Variants in ECT2 observed in about 807,000 individuals in gnomAD.
ECT2 encodes the protein protein ECT2.
ECT2 carries 61 observed loss-of-function variants against 116.9 expected under a neutral mutation model. The observed-to-expected ratio is 0.52, with a 90% CI of 0.42 to 0.65. ECT2 has a LOEUF of 0.65. ECT2 is among the 30% of genes least tolerant of loss of function. ECT2 has a pLI of 0.00. For synonymous variants in ECT2, 358 were observed against 346.4 expected (o/e 1.03, Z -0.37); for missense variants, 937 against 1,078.7 (o/e 0.87, Z 1.84).
rs1411801588 is a variant in ECT2 at position 172,758,416 on chromosome 3, AATG to A, written c.487-559_487-557del. Among the ~76,000 whole-genome samples, 7 of 152,104 alleles carry A rather than the reference AATG, an allele frequency of 4.6e-5. No individual in the cohort carries two copies. The South Asian group carries it at 1.4e-3, about 31-fold the overall frequency. ...CAAATTTTGAAAAATAATCTTATAT[AATG>A]ATGAAAATCAAATTTATTCTTTTAT... is the stretch of plus-strand genomic sequence containing the variant. On this transcript the variant is annotated intron_variant, in intron 5 of 24. Transcript: ENST00000392692.
intron 11 of ECT2, among the ~76,000 whole-genome samples, chr3:172,763,961 C>G (rs898720403): frequency 7.9e-5 from 12 of 152,130 alleles, no homozygotes; most frequent in Non-Finnish European, 1.6e-4. Flanking sequence ...AGGGATACAG[C>G]GAACAGACTG....
At chr3:172,773,756 T>A (rs1721112446) in intron 13 of ECT2, 147 bp from the exon 14 acceptor site, 3 of 776,960 alleles carry the variant, frequency 3.9e-6, no homozygotes, top group Non-Finnish European at 4.1e-6. Flanking sequence ...ATAGAAAATA[T>A]GGGGAAAATG....
chr3:172,810,564 C>T (rs1307241414), intron 22 of ECT2, among the ~76,000 whole-genome samples: 3 of 152,060 alleles, frequency 2.0e-5, no homozygotes, highest in Non-Finnish European at 4.4e-5. Flanking sequence ...GTTATTGATA[C>T]CACTTTAATT....
intron 18 of ECT2, among the ~76,000 whole-genome samples, chr3:172,799,534 G>C (rs185554843): frequency 4.6e-5 from 7 of 152,132 alleles, no homozygotes; most frequent in African/African-American, 1.7e-4. Flanking sequence ...GACAAAACCT[G>C]ACCTAAGAAA....
At chr3:172,758,940 T>C (rs1175239306) in intron 5 of ECT2, 40 bp from the exon 6 acceptor site, 2 of 1,490,514 alleles carry the variant, frequency 1.3e-6, no homozygotes, top group Non-Finnish European at 1.9e-6. Context: ...TATTTTCTAC[T>C]AAAGAGAAAG....
At chr3:172,806,940 G>A (rs550558115) in intron 21 of ECT2, among the ~76,000 whole-genome samples, 2 of 152,122 alleles carry the variant, frequency 1.3e-5, no homozygotes, top group South Asian at 2.1e-4. Flanking sequence ...ACTGCACCCC[G>A]CCAAGAAATG....
At chr3:172,795,224 G>A (rs1388026917) in intron 18 of ECT2, among the ~76,000 whole-genome samples, 1 of 151,606 alleles carries the variant, frequency 6.6e-6, no homozygotes, top group Middle Eastern at 3.2e-3. Context: ...GCTACTCAGA[G>A]GCTGAGGCAG....
chr3:172,755,822 A>G (rs1716883321), intron 4 of ECT2, among the ~76,000 whole-genome samples: 1 of 152,224 alleles, frequency 6.6e-6, no homozygotes, highest in South Asian at 2.1e-4. Flanking sequence ...AATTTGCCTC[A>G]GCATACGAAA....
chr3:172,818,618 C>G (rs1577056609), intron 24 of ECT2: 1 of 1,289,002 alleles, frequency 7.8e-7, no homozygotes, highest in South Asian at 1.2e-5. Context: ...CGCCTAAACT[C>G]TACTGGTGGG....
chr3:172,764,134 T>G, intron 11 of ECT2, 144 bp from the exon 12 acceptor site: 1 of 708,422 alleles, frequency 1.4e-6, no homozygotes, highest in Admixed American at 2.9e-5. Context: ...TTATGAAACT[T>G]TTGAATTGCC....
At chr3:172,771,476 C>T (rs538016278) in intron 13 of ECT2, 6 of 151,932 alleles carry the variant, frequency 3.9e-5, no homozygotes, top group East Asian at 1.9e-4. Flanking sequence ...TCTTTGAGAC[C>T]GAGTAAACAA....
chr3:172,799,502 C>T (rs762524989), intron 18 of ECT2, among the ~76,000 whole-genome samples: 16 of 152,316 alleles, frequency 1.1e-4, no homozygotes, highest in Non-Finnish European at 2.4e-4. Flanking sequence ...ATTTCACAAT[C>T]AGTAACTGCT....
At chr3:172,821,649 T>C (rs148628509), downstream of ECT2, among the ~76,000 whole-genome samples, 11 of 152,074 alleles carry the variant, frequency 7.2e-5, no homozygotes, top group African/African-American at 2.4e-4. Flanking sequence ...ATTTTTAATC[T>C]GGAATCTACT....
chr3:172,818,127 C>T (rs1730088415), intron 24 of ECT2, among the ~76,000 whole-genome samples: 1 of 152,004 alleles, frequency 6.6e-6, no homozygotes, highest in Non-Finnish European at 1.5e-5. Context: ...AAATAATACT[C>T]ATTAAATATA....
chr3:172,786,526 A>G lies in ECT2; in HGVS notation c.1859A>G (p.Asp620Gly), dbSNP rs753783588. 6.2e-7 allele frequency: 1 copy of G among 1,611,446 alleles called. No homozygotes were observed. Among genetic ancestry groups the G allele is most frequent in the Non-Finnish European group, 8.5e-7 (1 of 1,178,308 alleles). The stretch of plus-strand genomic sequence containing the variant: ...AAGCATACAGCTGATGAAAATCCAG[A>G]CAAAAGCACTTTAGAAAAAGCTATT... ...LKKHTADENPDKSTLEKAIGS... is the reference protein window; with the variant it reads ...LKKHTADENPGKSTLEKAIGS... Residue 620 changes from aspartate to glycine, a missense_variant, in exon 18 of 25, where the codon GAC (aspartate) becomes GGC (glycine). Physicochemically the swap from Asp to Gly is moderately conservative, Grantham distance 94. Coordinates refer to ENST00000392692, the MANE Select transcript of ECT2 (RefSeq NM_001258315.2).
rs777042341 is a variant in ECT2 at position 172,769,192 on chromosome 3, G to C, written c.1428+49G>C. 6.1e-5 allele frequency: 93 copies of C among 1,517,516 alleles called. 1 individual carries two copies. In the South Asian group the frequency reaches 1.0e-3, roughly 17 times the overall value. The allele number at this position is 1,517,516 out of a possible 1,614,324, so 94.0% of individuals were successfully genotyped here. On this transcript the variant is annotated intron_variant, in intron 13 of 24. Coordinates refer to ENST00000392692, the MANE Select transcript of ECT2 (RefSeq NM_001258315.2). ...ATGATTTCTGTTCCAGTGTTCCTAA[G>C]TAAAAAAATCTAGGTGATATTGTTT...
In ECT2 at chr3:172,762,402, T is replaced by C; in HGVS notation, c.759-14T>C. 1 of 1,587,406 alleles carries C rather than the reference T, an allele frequency of 6.3e-7. No homozygotes were observed. The highest frequency in any genetic ancestry group is 8.5e-7 in the Non-Finnish European group (1 of 1,172,764). ...AAGTTAAACTGGTTTTGGAAGAGTG[T>C]ATTTTGTTTTTAGGGATTTCTATGC... On this transcript the variant is annotated splice_polypyrimidine_tract_variant and intron_variant, in intron 8 of 24. Transcript: ENST00000392692.
intron 20 of ECT2, 54 bp from the exon 21 acceptor site, chr3:172,805,677 T>A: frequency 6.5e-7 from 1 of 1,538,966 alleles, no homozygotes; most frequent in African/African-American, 1.4e-5. Context: ...TTTTAAGTAT[T>A]TGGTCCTTTT....
intron 6 of ECT2, among the ~76,000 whole-genome samples, 181 bp from the exon 7 acceptor site, chr3:172,759,975 T>A (rs1717897221): frequency 6.6e-6 from 1 of 152,252 alleles, no homozygotes; most frequent in Non-Finnish European, 1.5e-5. Flanking sequence ...TTTGCCTGTG[T>A]TAATAGGCAA....
Sources: allele counts gnomAD v4.1 joint callset (sites outside exome capture counted in the v4.1 genomes callset), GRCh38; gene constraint gnomAD v4.1.1; transcripts MANE v1.5; gene names NCBI Gene and HGNC (gene_info 2026-07-23, HGNC 2026-07-21).